TNR: variants seen among roughly 807,000 people sequenced by gnomAD.
TNR encodes tenascin R.
Under a neutral mutation model 150.4 loss-of-function variants are expected in TNR, and 45 were observed. That is an observed-to-expected ratio of 0.30 (90% CI 0.24 to 0.38). The LOEUF is 0.38. Among genes scored for constraint, TNR ranks in the 10% least tolerant of loss-of-function variants. The pLI is 1.00. For missense variants in TNR, 1,544 were observed against 1,759.1 expected (o/e 0.88, Z 2.19); for synonymous variants, 687 against 678.4 (o/e 1.01, Z -0.20).
At chr1:175,489,827 C>T (rs1658170076) in intron 2 of TNR, among the ~76,000 whole-genome samples, 1 of 152,030 alleles carries the variant, frequency 6.6e-6, no homozygotes, top group African/African-American at 2.4e-5. Flanking sequence ...ATACTTTTTT[C>T]CAACTTCAAC....
chr1:175,682,302 A>C (rs1030997809), intron 1 of TNR, among the ~76,000 whole-genome samples: 9 of 152,184 alleles, frequency 5.9e-5, no homozygotes, highest in Non-Finnish European at 1.0e-4. Flanking sequence ...AGGTGCTTAC[A>C]TGCATAAGCT....
At chr1:175,553,396 T>C (rs2102201720) in intron 1 of TNR, among the ~76,000 whole-genome samples, 1 of 152,296 alleles carries the variant, frequency 6.6e-6, no homozygotes, top group African/African-American at 2.4e-5. Context: ...GCAGGCATAA[T>C]TCCAACATCT....
chr1:175,433,636 T>C (rs1655371003), intron 2 of TNR, among the ~76,000 whole-genome samples: 1 of 152,210 alleles, frequency 6.6e-6, no homozygotes, highest in Non-Finnish European at 1.5e-5. Flanking sequence ...TGAGATGCCT[T>C]TGACTCTGAG....
intron 19 of TNR, 117 bp downstream of exon 19, chr1:175,337,411 T>TG (rs955357094): frequency 6.5e-6 from 8 of 1,223,716 alleles, no homozygotes; most frequent in South Asian, 2.7e-5. Flanking sequence ...GATGGACATG[T>TG]GGGGGGTGAT....
chr1:175,656,450 C>G (rs1665180489), intron 1 of TNR, among the ~76,000 whole-genome samples: 1 of 152,194 alleles, frequency 6.6e-6, no homozygotes, highest in Non-Finnish European at 1.5e-5. Context: ...ATTAATTCAG[C>G]CAGCTCAGCC....
intron 18 of TNR, among the ~76,000 whole-genome samples, chr1:175,346,259 T>C (rs1650778224): frequency 6.6e-6 from 1 of 152,194 alleles, no homozygotes; most frequent in Non-Finnish European, 1.5e-5. Context: ...TTATATTGTC[T>C]TAAATAAAAG....
chr1:175,506,566 A>G (rs2102154798), intron 2 of TNR, among the ~76,000 whole-genome samples: 1 of 152,334 alleles, frequency 6.6e-6, no homozygotes. Context: ...GGGGACACAC[A>G]TGCGTGGGGA....
intron 2 of TNR, among the ~76,000 whole-genome samples, chr1:175,479,362 C>A (rs1657680060): frequency 6.6e-6 from 1 of 152,172 alleles, no homozygotes; most frequent in Non-Finnish European, 1.5e-5. Flanking sequence ...CAAGTTTCCC[C>A]CCACCAACAA....
At chr1:175,358,114 T>C (rs1239924010) in intron 15 of TNR, among the ~76,000 whole-genome samples, 1 of 152,088 alleles carries the variant, frequency 6.6e-6, no homozygotes, top group Admixed American at 6.6e-5. Flanking sequence ...TGAGAAAGCA[T>C]GGTGATAATT....
At chr1:175,352,018 C>T (rs1651076258) in intron 18 of TNR, among the ~76,000 whole-genome samples, 1 of 152,178 alleles carries the variant, frequency 6.6e-6, no homozygotes, top group African/African-American at 2.4e-5. Flanking sequence ...AGCCATTATT[C>T]TGCCTCCTCT....
At chr1:175,679,394 C>T (rs1440816154) in intron 1 of TNR, among the ~76,000 whole-genome samples, 1 of 152,240 alleles carries the variant, frequency 6.6e-6, no homozygotes. Flanking sequence ...TGAACACCTA[C>T]TGAGTGCTTG....
rs1358338224 is a variant in TNR at position 175,319,594 on chromosome 1, G to C, written c.*3763C>G. 1 of 152,370 alleles carries C rather than the reference G, an allele frequency of 6.6e-6. No individual in the cohort carries two copies. Among genetic ancestry groups the C allele is most frequent in the Non-Finnish European group, 1.5e-5 (1 of 68,034 alleles). 9.4% of individuals were successfully genotyped at this position (152,370 alleles called of 1,614,324 possible). A position where few individuals can be genotyped will look rare whatever the true frequency, so the allele number is the denominator to read the frequency against. On this transcript the variant is annotated 3_prime_UTR_variant, in exon 23 of 23. Coordinates refer to ENST00000367674, the MANE Select transcript of TNR (RefSeq NM_003285.3). Reference sequence around the variant, plus strand: ...GTCCTACCACTTTATGAGTAGTAGAGGGGGAAGTTGGTAGGTGAGGGACAG... The same window carrying C: ...GTCCTACCACTTTATGAGTAGTAGACGGGGAAGTTGGTAGGTGAGGGACAG...
chr1:175,433,520 T>C (rs77732879), intron 2 of TNR, among the ~76,000 whole-genome samples: 3,019 of 152,296 alleles, frequency 0.02, 48 homozygotes, highest in Middle Eastern at 0.058. Context: ...CTGTGTCCTT[T>C]GTACTTGCAG....
chr1:175,426,551 A>G (rs1021761543), intron 2 of TNR, among the ~76,000 whole-genome samples: 8 of 152,036 alleles, frequency 5.3e-5, no homozygotes, highest in Admixed American at 5.2e-4. Context: ...GCATCTCTGA[A>G]TCTCCCTAGT....
intron 2 of TNR, among the ~76,000 whole-genome samples, chr1:175,487,037 G>T (rs778208477): frequency 6.6e-6 from 1 of 152,136 alleles, no homozygotes; most frequent in Non-Finnish European, 1.5e-5. Context: ...TTTGTCAGAT[G>T]GGTAGATTGC....
intron 1 of TNR, among the ~76,000 whole-genome samples, chr1:175,596,007 C>T (rs1224461065): frequency 6.6e-6 from 1 of 152,138 alleles, no homozygotes; most frequent in East Asian, 1.9e-4. Flanking sequence ...TATGGTTCTT[C>T]TGTTATTCTA....
At chr1:175,664,600 A>G (rs1310056104) in intron 1 of TNR, among the ~76,000 whole-genome samples, 2 of 152,202 alleles carry the variant, frequency 1.3e-5, no homozygotes, top group Non-Finnish European at 2.9e-5. Context: ...TGAGTCTTCT[A>G]TTTTCTATAA....
At chr1:175,474,012 C>A (rs971655312) in intron 2 of TNR, among the ~76,000 whole-genome samples, 1 of 152,088 alleles carries the variant, frequency 6.6e-6, no homozygotes, top group Non-Finnish European at 1.5e-5. Context: ...AGGAATCATA[C>A]ACACACACAA....
At chr1:175,438,903 T>C (rs989596144) in intron 2 of TNR, among the ~76,000 whole-genome samples, 41 of 152,264 alleles carry the variant, frequency 2.7e-4, no homozygotes, top group African/African-American at 8.7e-4. Flanking sequence ...GAACATTCCA[T>C]GCTCATGGGT....
Sources: gnomAD v4.1 joint callset for allele counts (sites outside exome capture counted in the v4.1 genomes callset) on GRCh38, gnomAD v4.1.1 for gene constraint, MANE v1.5 for transcripts, NCBI Gene and HGNC (gene_info 2026-07-23, HGNC 2026-07-21) for gene names.